Variants in AOPEP observed in about 807,000 individuals in gnomAD.
AOPEP encodes the protein aminopeptidase O (putative), also known as aminopeptidase O.
Under a neutral mutation model 98.1 loss-of-function variants are expected in AOPEP, and 77 were observed. The observed-to-expected ratio is 0.78, with a 90% CI of 0.65 to 0.95. The LOEUF (loss-of-function observed/expected upper bound fraction) is 0.95. Ranked by LOEUF, AOPEP falls within the 40% of genes least tolerant of loss-of-function variation. The pLI, the probability that AOPEP is intolerant of heterozygous loss-of-function variation, is 0.00. For missense variants in AOPEP, 1,024 were observed against 1,024.7 expected (o/e 1.00, Z 0.01); for synonymous variants, 346 against 365.3 (o/e 0.95, Z 0.60).
At chr9:94,745,144 T>A (rs1196856733) in intron 1 of AOPEP, among the ~76,000 whole-genome samples, 1 of 152,204 alleles carries the variant, frequency 6.6e-6, no homozygotes, top group African/African-American at 2.4e-5. Context: ...AGTCACCCTG[T>A]TGTGCTATCA....
chr9:94,967,612 G>T (rs137944329), intron 9 of AOPEP, 146 bp from the exon 10 acceptor site: 1 of 621,002 alleles, frequency 1.6e-6, no homozygotes, highest in African/African-American at 1.8e-5. Flanking sequence ...TTAATAAGTT[G>T]AGTCTATAGT....
chr9:94,785,694 T>C (rs1316563531), intron 3 of AOPEP, among the ~76,000 whole-genome samples: 1 of 152,224 alleles, frequency 6.6e-6, no homozygotes, highest in East Asian at 1.9e-4. Flanking sequence ...GAGGGGTTTC[T>C]GGCCTCTGCA....
At chr9:94,994,058 T>G (rs73540087) in intron 11 of AOPEP, among the ~76,000 whole-genome samples, 7,315 of 152,302 alleles carry the variant, frequency 0.048, 290 homozygotes, top group African/African-American at 0.1. Context: ...GCTGCCACTT[T>G]TCACATTCCA....
At chr9:94,769,379 G>A (rs1448509501) in intron 2 of AOPEP, among the ~76,000 whole-genome samples, 1 of 152,172 alleles carries the variant, frequency 6.6e-6, no homozygotes, top group East Asian at 1.9e-4. Flanking sequence ...CTTGGTTTGG[G>A]CATGTTGGGA....
chr9:94,902,503 C>A (rs1041829613), intron 5 of AOPEP, among the ~76,000 whole-genome samples: 2 of 152,176 alleles, frequency 1.3e-5, no homozygotes, highest in African/African-American at 2.4e-5. Flanking sequence ...GTAGTTTAGA[C>A]CTGCCTGTCT....
intron 5 of AOPEP, among the ~76,000 whole-genome samples, chr9:94,814,017 ATCTC>A (rs1465853504): frequency 6.6e-6 from 1 of 152,194 alleles, no homozygotes; most frequent in South Asian, 2.1e-4. Flanking sequence ...TGGGGTTTCT[ATCTC>A]TATGGGTTTC....
the AOPEP span, among the ~76,000 whole-genome samples, chr9:95,143,885 A>G: frequency 1.3e-5 from 2 of 152,192 alleles, no homozygotes; most frequent in Non-Finnish European, 2.9e-5. Flanking sequence ...AAGAAATTTA[A>G]AAGTTCCTCT....
At chr9:94,973,701 C>T (rs1217194986) in intron 10 of AOPEP, among the ~76,000 whole-genome samples, 3 of 152,206 alleles carry the variant, frequency 2.0e-5, no homozygotes, top group South Asian at 2.1e-4. Flanking sequence ...GCGGAAAGTC[C>T]GCGCTCACTA....
At chr9:94,745,040 C>T (rs1834142956) in intron 1 of AOPEP, among the ~76,000 whole-genome samples, 1 of 152,000 alleles carries the variant, frequency 6.6e-6, no homozygotes, top group African/African-American at 2.4e-5. Flanking sequence ...ATGGGGTATC[C>T]ATCACCTCAA....
chr9:95,070,663 G>A (rs532800011), intron 14 of AOPEP, among the ~76,000 whole-genome samples: 1 of 152,386 alleles, frequency 6.6e-6, no homozygotes, highest in Middle Eastern at 3.4e-3. Flanking sequence ...GCCCATGCAT[G>A]CCCCAGACTT....
intron 14 of AOPEP, among the ~76,000 whole-genome samples, chr9:95,065,045 G>A (rs919041005): frequency 1.3e-5 from 2 of 152,158 alleles, no homozygotes; most frequent in Non-Finnish European, 2.9e-5. Context: ...TGCTGTTGGA[G>A]CTTCTTTTTC....
At chr9:95,136,762 G>C in the AOPEP span, among the ~76,000 whole-genome samples, 3 of 152,114 alleles carry the variant, frequency 2.0e-5, no homozygotes, top group African/African-American at 7.2e-5. Flanking sequence ...GGGAATACAG[G>C]CCTGAGCCCC....
At chr9:94,943,764 C>T in intron 7 of AOPEP, among the ~76,000 whole-genome samples, 1 of 149,092 alleles carries the variant, frequency 6.7e-6, no homozygotes, top group African/African-American at 2.5e-5. Context: ...GCTAAACATA[C>T]AAACAATTAG....
At chr9:94,800,561 A>G (rs542750960) in intron 4 of AOPEP, among the ~76,000 whole-genome samples, 196 bp from the exon 5 acceptor site, 6 of 152,350 alleles carry the variant, frequency 3.9e-5, no homozygotes, top group African/African-American at 1.4e-4. Context: ...TGATTCAAAC[A>G]CATGAATACG....
chr9:94,914,527 T>G (rs2052522519), intron 5 of AOPEP, among the ~76,000 whole-genome samples: 1 of 146,304 alleles, frequency 6.8e-6, no homozygotes, highest in African/African-American at 2.5e-5. Flanking sequence ...ATTAGACGTG[T>G]GTGTGTGTGT....
At chr9:94,755,335 A>G (rs550674873) in intron 1 of AOPEP, among the ~76,000 whole-genome samples, 3 of 152,226 alleles carry the variant, frequency 2.0e-5, no homozygotes, top group Non-Finnish European at 4.4e-5. Flanking sequence ...GGCCACATAC[A>G]TGCATTTGCA....
intron 13 of AOPEP, among the ~76,000 whole-genome samples, chr9:95,037,336 T>C (rs1460542781): frequency 6.6e-6 from 1 of 152,200 alleles, no homozygotes; most frequent in African/African-American, 2.4e-5. Context: ...TTAGTGTTCA[T>C]TGATAGAAGA....
At chr9:94,942,499 G>A (rs145808466) in intron 7 of AOPEP, among the ~76,000 whole-genome samples, 1 of 152,234 alleles carries the variant, frequency 6.6e-6, no homozygotes, top group East Asian at 1.9e-4. Context: ...CCCCTTTCAA[G>A]TCAATGGTTG....
chr9:95,084,734 G>C (rs1284772043), intron 16 of AOPEP, among the ~76,000 whole-genome samples: 1 of 150,964 alleles, frequency 6.6e-6, no homozygotes, highest in African/African-American at 2.4e-5. Context: ...CAGCATCTTC[G>C]ATCCTGTCCC....
Sources: allele counts gnomAD v4.1 joint callset (sites outside exome capture counted in the v4.1 genomes callset), GRCh38; gene constraint gnomAD v4.1.1; transcripts MANE v1.5; gene names NCBI Gene and HGNC (gene_info 2026-07-23, HGNC 2026-07-21).